GFRA2: variants seen among roughly 807,000 people sequenced by gnomAD.
GFRA2 encodes the protein GDNF family receptor alpha-2.
A neutral mutation model predicts 48.3 loss-of-function variants in GFRA2; 17 were observed. The ratio of observed to expected loss-of-function variants is 0.35; its 90% CI spans 0.24 to 0.53. The LOEUF (loss-of-function observed/expected upper bound fraction) is 0.53. Ranked by LOEUF, GFRA2 falls within the 20% of genes least tolerant of loss-of-function variation. The pLI is 0.93. For synonymous variants in GFRA2, 305 were observed against 257.2 expected (o/e 1.19, Z -1.78); for missense variants, 660 against 637.3 (o/e 1.04, Z -0.38).
rs549019351 is a variant in GFRA2, at chr8:21,731,481, T to G, written c.794+19107A>C. Among the ~76,000 whole-genome samples, 4 of 151,338 alleles carry G rather than the reference T, an allele frequency of 2.6e-5. No individual in the cohort carries two copies. The South Asian group carries it at 8.4e-4, about 32-fold the overall frequency. ...CTTTTCCAAAGTCATCTTAAAATAT[T>G]TTTTTTTTAATCTAAAAGGGCTCCG... On this transcript the variant is annotated intron_variant, in intron 4 of 8. Coordinates refer to ENST00000524240, the MANE Select transcript of GFRA2 (RefSeq NM_001495.5).
intron 2 of GFRA2, among the ~76,000 whole-genome samples, chr8:21,794,107 G>C (rs1425477654): frequency 2.6e-5 from 4 of 151,916 alleles, no homozygotes; most frequent in African/African-American, 9.7e-5. Flanking sequence ...TCCTGCCTCA[G>C]CCTGGCAAAG....
At chr8:21,697,386 G>A (rs1009605512) in intron 7 of GFRA2, among the ~76,000 whole-genome samples, 2 of 152,110 alleles carry the variant, frequency 1.3e-5, no homozygotes, top group South Asian at 4.2e-4. Context: ...CTCATCTGAT[G>A]CTGATTATCA....
chr8:21,809,205 G>A (rs1203773139), intron 1 of GFRA2, among the ~76,000 whole-genome samples: 1 of 152,228 alleles, frequency 6.6e-6, no homozygotes, highest in Non-Finnish European at 1.5e-5. Context: ...GCTGGCTGCT[G>A]TGGGAGGAAC....
At chr8:21,713,255 G>C (rs1018023149) in intron 4 of GFRA2, among the ~76,000 whole-genome samples, 1 of 151,848 alleles carries the variant, frequency 6.6e-6, no homozygotes, top group Admixed American at 6.6e-5. Flanking sequence ...GCAGTGGCTC[G>C]ATCTCGGCTC....
At position 21,782,764 on chromosome 8, in the gene GFRA2, G is replaced by A. The variant is rs1807074622; in HGVS notation, c.176C>T (p.Thr59Ile). 1.3e-6 allele frequency: 2 copies of A among 1,594,126 alleles called. No individual in the cohort carries two copies. The highest frequency in any genetic ancestry group is 1.1e-5 in the South Asian group (1 of 88,018). Reference protein sequence around the residue: ...AESNCSSRYRTLRQCLAGRDR... With the variant: ...AESNCSSRYRILRQCLAGRDR... Reference sequence around the variant, plus strand: ...GCGGCCTGCCAGGCACTGCCGCAGAGTGCGGTAGCGAGAGCTGCAGTTGGA... The same window carrying A: ...GCGGCCTGCCAGGCACTGCCGCAGAATGCGGTAGCGAGAGCTGCAGTTGGA... The change falls in exon 2 of 9, where the codon ACT (threonine) becomes ATT (isoleucine). Residue 59 changes from threonine (T) to isoleucine (I), a missense_variant. Thr to Ile is a moderately conservative substitution (Grantham distance 89). Coordinates refer to ENST00000524240, the MANE Select transcript of GFRA2 (RefSeq NM_001495.5).
At chr8:21,801,321 A>G (rs111669090) in intron 2 of GFRA2, among the ~76,000 whole-genome samples, 80,471 of 151,424 alleles carry the variant, frequency 0.53, 23,094 homozygotes, top group African/African-American at 0.76. Flanking sequence ...GCAGGAGGAC[A>G]GGGCTAATGT....
In GFRA2 at chr8:21,705,556, A is replaced by G. The variant is rs143365156; in HGVS notation, c.904+376T>C. The stretch of plus-strand genomic sequence containing the variant: ...ACTGCTCTACAGCCTCAGTTTCCTC[A>G]TCTATAAAATGGAGATTATCAGCAC... On this transcript the variant is annotated intron_variant, in intron 5 of 8. Coordinates refer to ENST00000524240, the MANE Select transcript of GFRA2 (RefSeq NM_001495.5). Among the ~76,000 whole-genome samples the G allele has an allele frequency of 4.8e-3, 732 of 152,328 alleles. 3 individuals carry two copies. The highest frequency in any genetic ancestry group is 0.016 in the African/African-American group (673 of 41,568).
intron 3 of GFRA2, among the ~76,000 whole-genome samples, chr8:21,772,972 T>C (rs1333748312): frequency 1.3e-5 from 2 of 152,346 alleles, no homozygotes; most frequent in East Asian, 3.9e-4. Context: ...TGCCGGTACC[T>C]GAGCTTCACA....
intron 3 of GFRA2, among the ~76,000 whole-genome samples, chr8:21,764,930 T>C (rs925405029): frequency 2.2e-4 from 34 of 152,040 alleles, no homozygotes; most frequent in African/African-American, 7.7e-4. Context: ...TTCTCCTCCA[T>C]CCTCCTCACG....
chr8:21,804,417 T>G (rs1312544056), intron 2 of GFRA2, among the ~76,000 whole-genome samples: 4 of 146,578 alleles, frequency 2.7e-5, no homozygotes, highest in Non-Finnish European at 4.5e-5. Flanking sequence ...AACTATAAAC[T>G]TCTCTGCTAA....
rs1157937454 is a variant in GFRA2, at chr8:21,750,938, T to C, written c.444A>G (p.Thr148=). ...IFRLASIFSG[T]GADPVVSAKS... The stretch of plus-strand genomic sequence containing the variant: ...TGGCGCTGACCACCGGGTCTGCCCC[T>C]GTCCCTGGAGGAGGAACAAGAGAGC... The change falls in exon 4 of 9, where the codon ACA becomes ACG. Residue 148 remains threonine (T), a synonymous_variant. Transcript: ENST00000524240. This position sits in a 1 kb window ranked among gnomAD's most constrained non-coding sequence, Gnocchi z 5.7. 1.9e-6 allele frequency: 3 copies of C among 1,609,164 alleles called. No homozygotes were observed. The highest frequency in any genetic ancestry group is 1.3e-5 in the African/African-American group (1 of 74,886).
intron 4 of GFRA2, among the ~76,000 whole-genome samples, chr8:21,726,018 G>C (rs1346466814): frequency 6.6e-6 from 1 of 152,152 alleles, no homozygotes; most frequent in Non-Finnish European, 1.5e-5. Flanking sequence ...CTGCCAAGAG[G>C]AAAGCCAGGC....
Position 21,735,870 on chromosome 8 carries a change from C to T in GFRA2, c.794+14718G>A, listed in dbSNP as rs1431937671. Among the ~76,000 whole-genome samples the T allele has an allele frequency of 2.0e-5, 3 of 152,132 alleles. No individual in the cohort carries two copies. In the East Asian group the frequency reaches 5.8e-4, roughly 29 times the overall value. ...AAAAAATTGTAGAGATGGGCTCTCA[C>T]TATGTTACCCAGGGCTGCTCTTGAA... On this transcript the variant is annotated intron_variant, in intron 4 of 8. Transcript: ENST00000524240.
intron 3 of GFRA2, among the ~76,000 whole-genome samples, chr8:21,769,462 C>T (rs1385593472): frequency 4.6e-5 from 7 of 152,218 alleles, no homozygotes; most frequent in Non-Finnish European, 5.9e-5. Context: ...TGCCCTGGCA[C>T]GCTGCATGCC....
intron 7 of GFRA2, among the ~76,000 whole-genome samples, chr8:21,696,509 G>A (rs553289383): frequency 6.6e-6 from 1 of 152,304 alleles, no homozygotes; most frequent in African/African-American, 2.4e-5. Flanking sequence ...TGTGGCTGTG[G>A]GTGCCACTCT....
intron 3 of GFRA2, among the ~76,000 whole-genome samples, chr8:21,761,933 C>A (rs972070627): frequency 2.6e-5 from 4 of 152,000 alleles, no homozygotes; most frequent in Admixed American, 2.6e-4. Context: ...GCCTGTGTGA[C>A]AGAGCGAGAC....
intron 2 of GFRA2, among the ~76,000 whole-genome samples, chr8:21,802,835 T>A (rs1005684829): frequency 6.6e-5 from 10 of 152,230 alleles, no homozygotes; most frequent in African/African-American, 2.4e-4. Flanking sequence ...AATCATTTCA[T>A]AAGGAAATAA....
chr8:21,769,433 A>G (rs1268015155), intron 3 of GFRA2, among the ~76,000 whole-genome samples: 6 of 152,206 alleles, frequency 3.9e-5, no homozygotes, highest in Non-Finnish European at 7.3e-5. Context: ...ACCCTTCACC[A>G]GCACCTAGGG....
chr8:21,704,744 C>T (rs970043920), intron 6 of GFRA2, among the ~76,000 whole-genome samples: 2 of 152,184 alleles, frequency 1.3e-5, no homozygotes, highest in Admixed American at 6.5e-5. Context: ...ACAAACCAGA[C>T]CAAATAACAG....
Sources: allele counts gnomAD v4.1 joint callset (sites outside exome capture counted in the v4.1 genomes callset), GRCh38; gene constraint gnomAD v4.1.1; non-coding constraint Gnocchi (gnomAD v3.1); transcripts MANE v1.5; gene names NCBI Gene and HGNC (gene_info 2026-07-23, HGNC 2026-07-21).